Variants in BAZ2B observed in about 807,000 individuals in gnomAD.
BAZ2B encodes bromodomain adjacent to zinc finger domain protein 2B.
Under a neutral mutation model 246.0 loss-of-function variants are expected in BAZ2B, and 91 were observed. The ratio of observed to expected loss-of-function variants is 0.37; its 90% CI spans 0.31 to 0.44. The LOEUF (loss-of-function observed/expected upper bound fraction) is 0.44. Ranked by LOEUF, BAZ2B falls within the 20% of genes least tolerant of loss-of-function variation. BAZ2B has a pLI of 1.00. For synonymous variants in BAZ2B, 855 were observed against 860.0 expected (o/e 0.99, Z 0.10); for missense variants, 2,332 against 2,533.7 (o/e 0.92, Z 1.71).
In BAZ2B at chr2:159,350,172, A is replaced by G; in HGVS notation, c.4399T>C (p.Ser1467Pro). Residue 1467 changes from serine to proline, a missense_variant, in exon 28 of 37, where the codon TCC becomes CCC. Physicochemically the swap from Ser to Pro is moderately conservative, Grantham distance 74. Transcript: ENST00000392783. ...NLFLQKPGSF[S>P]KLSKLLEVAK... ...ACTTCCAAAAGCTTGCTTAATTTGGAAAAAGAGCCAGGTTTCTGAAGGAAT... is the reference window on the plus strand; with the variant it reads ...ACTTCCAAAAGCTTGCTTAATTTGGGAAAAGAGCCAGGTTTCTGAAGGAAT... 1 of 1,614,098 alleles carries G rather than the reference A, an allele frequency of 6.2e-7. No homozygotes were observed. The highest frequency in any genetic ancestry group is 8.5e-7 in the Non-Finnish European group (1 of 1,179,984).
chr2:159,335,506 CTA>C (rs2065486938), intron 33 of BAZ2B, among the ~76,000 whole-genome samples: 1 of 146,086 alleles, frequency 6.8e-6, no homozygotes, highest in Non-Finnish European at 1.5e-5. Context: ...TGAGATTCTG[CTA>C]CTGCACTCCA....
At chr2:159,500,398 C>G (rs1045085045) in intron 2 of BAZ2B, among the ~76,000 whole-genome samples, 1 of 152,116 alleles carries the variant, frequency 6.6e-6, no homozygotes, top group African/African-American at 2.4e-5. Flanking sequence ...TATACCTGCA[C>G]CATGCTGTTT....
chr2:159,398,868 C>T lies in BAZ2B; in HGVS notation c.2925G>A (p.Ala975=), dbSNP rs775080980. ...CGGCCTCCAATAATTTGGCATTTGC[C>T]GCTTCTTCCTTCTTTTTCTTTTTAG... ...LEAKKKKKEE[A]ANAKLLEAEK... Residue 975 remains alanine (A), a synonymous_variant, in exon 18 of 37, where the codon GCG becomes GCA. Coordinates refer to ENST00000392783, the MANE Select transcript of BAZ2B (RefSeq NM_013450.4). 32 of 1,610,914 alleles carry T rather than the reference C, an allele frequency of 2.0e-5. No individual in the cohort carries two copies. The highest frequency in any genetic ancestry group is 1.6e-5 in the Non-Finnish European group (19 of 1,179,654).
chr2:159,605,386 G>C (rs1330236467), intron 1 of BAZ2B, among the ~76,000 whole-genome samples: 3 of 151,942 alleles, frequency 2.0e-5, no homozygotes, highest in African/African-American at 7.3e-5. Context: ...ATTATTTTTA[G>C]CTCACTTTTA....
At chr2:159,352,728 A>G (rs920224529) in intron 27 of BAZ2B, among the ~76,000 whole-genome samples, 1 of 152,090 alleles carries the variant, frequency 6.6e-6, no homozygotes, top group African/African-American at 2.4e-5. Context: ...CAAGCCATCC[A>G]CCTGCAGATT....
At chr2:159,560,823 G>A (rs562914803) in intron 1 of BAZ2B, among the ~76,000 whole-genome samples, 5 of 151,892 alleles carry the variant, frequency 3.3e-5, no homozygotes, top group African/African-American at 4.8e-5. Flanking sequence ...CACCGCACCC[G>A]GCTAAAACCC....
intron 1 of BAZ2B, among the ~76,000 whole-genome samples, chr2:159,591,963 T>G (rs963575267): frequency 1.3e-5 from 2 of 152,112 alleles, no homozygotes; most frequent in Admixed American, 6.6e-5. Context: ...CTACAAAAAT[T>G]TTTAAAAGCA....
chr2:159,446,385 T>C (rs2074255577), intron 6 of BAZ2B, among the ~76,000 whole-genome samples: 1 of 152,226 alleles, frequency 6.6e-6, no homozygotes, highest in Non-Finnish European at 1.5e-5. Flanking sequence ...AAAGTTTCCA[T>C]AATAAAAGGT....
At chr2:159,689,904 C>A in the BAZ2B span, 1 of 380,328 alleles carries the variant, frequency 2.6e-6, no homozygotes, top group South Asian at 3.3e-5. Flanking sequence ...TTAGTAAAGT[C>A]AACACAGAAC....
chr2:159,613,067 G>GA (rs10609291), intron 1 of BAZ2B, among the ~76,000 whole-genome samples: 11 of 151,406 alleles, frequency 7.3e-5, no homozygotes, highest in Non-Finnish European at 7.4e-5. Flanking sequence ...GTTCTAGAAA[G>GA]AAAAAACCTG....
chr2:159,448,335 G>C lies in BAZ2B; in HGVS notation c.409C>G (p.Pro137Ala). 6.2e-7 allele frequency: 1 copy of C among 1,613,454 alleles called. No individual in the cohort carries two copies. Among genetic ancestry groups the C allele is most frequent in the Non-Finnish European group, 8.5e-7 (1 of 1,179,818 alleles). Residue 137 changes from proline to alanine, a missense_variant, in exon 5 of 37, where the codon CCA becomes GCA. Physicochemically the swap from Pro to Ala is conservative, Grantham distance 27 (BLOSUM62 -1). Transcript: ENST00000392783. ...TGGGCTGGGGGAGCAAATAGTGGTGGAATTCCCAGTAATGGTGGAAAGAAG... is the reference window on the plus strand; with the variant it reads ...TGGGCTGGGGGAGCAAATAGTGGTGCAATTCCCAGTAATGGTGGAAAGAAG... ...ATFFPPLLGI[P>A]PLFAPPAQNH...
chr2:159,580,487 T>A (rs1686484441), intron 1 of BAZ2B, among the ~76,000 whole-genome samples: 1 of 152,184 alleles, frequency 6.6e-6, no homozygotes, highest in Non-Finnish European at 1.5e-5. Context: ...ATGGCCATAC[T>A]GCCCAAGGTA....
At chr2:159,698,092 T>C in the BAZ2B span, among the ~76,000 whole-genome samples, 8 of 152,334 alleles carry the variant, frequency 5.3e-5, no homozygotes, top group African/African-American at 1.7e-4. Context: ...ATGAAAAGAC[T>C]CCATTGCAAA....
the BAZ2B span, chr2:159,689,467 G>T: frequency 4.4e-6 from 1 of 229,286 alleles, no homozygotes; most frequent in Non-Finnish European, 8.4e-6. Context: ...TGCCTCCCAG[G>T]TTCAAGTCAT....
chr2:159,675,595 T>G, the BAZ2B span, among the ~76,000 whole-genome samples: 1 of 152,208 alleles, frequency 6.6e-6, no homozygotes, highest in African/African-American at 2.4e-5. Context: ...AGGTACAATT[T>G]TATCTAAAAT....
rs1167446957 is a variant in BAZ2B at position 159,576,758 on chromosome 2, A to G, written c.-45-20893T>C. On this transcript the variant is annotated intron_variant, in intron 1 of 36. Coordinates refer to ENST00000392783, the MANE Select transcript of BAZ2B (RefSeq NM_013450.4). Reference sequence around the variant, plus strand: ...GAAACCCCGTCTCTACTAAAAATACAAAAAATTAGCCGGGCATGGTGGCAA... The same window carrying G: ...GAAACCCCGTCTCTACTAAAAATACGAAAAATTAGCCGGGCATGGTGGCAA... 2.0e-5 allele frequency among the ~76,000 whole-genome samples: 3 copies of G among 151,622 alleles called. No individual in the cohort carries two copies. The East Asian group carries it at 5.8e-4, about 30-fold the overall frequency.
chr2:159,671,258 T>C, the BAZ2B span, among the ~76,000 whole-genome samples: 1 of 152,198 alleles, frequency 6.6e-6, no homozygotes, highest in South Asian at 2.1e-4. Context: ...GCTGACTTAC[T>C]GGTTAATGTT....
At chr2:159,649,903 C>T in the BAZ2B span, among the ~76,000 whole-genome samples, 1 of 152,114 alleles carries the variant, frequency 6.6e-6, no homozygotes, top group African/African-American at 2.4e-5. Flanking sequence ...CTGTTCTATT[C>T]ATTTTTTAAT....
chr2:159,354,078 T>C (rs2058833651), intron 27 of BAZ2B, among the ~76,000 whole-genome samples: 1 of 152,192 alleles, frequency 6.6e-6, no homozygotes, highest in Non-Finnish European at 1.5e-5. Flanking sequence ...ATTTTCCTCA[T>C]ATACCTGTGT....
Sources: allele counts gnomAD v4.1 joint callset (sites outside exome capture counted in the v4.1 genomes callset), GRCh38; gene constraint gnomAD v4.1.1; transcripts MANE v1.5; gene names NCBI Gene and HGNC (gene_info 2026-07-23, HGNC 2026-07-21).